The following PTPRD variants were observed in gnomAD, a reference collection of about 807,000 sequenced individuals.
PTPRD encodes protein tyrosine phosphatase receptor type D.
A neutral mutation model predicts 214.5 loss-of-function variants in PTPRD; 34 were observed. The ratio of observed to expected loss-of-function variants is 0.16; its 90% confidence interval spans 0.12 to 0.21. The LOEUF is 0.21. PTPRD is among the 10% of genes least tolerant of loss of function. The pLI is 1.00. For missense variants in PTPRD, 2,545 were observed against 2,398.7 expected (o/e 1.06, Z -1.27); for synonymous variants, 1,128 against 845.7 (o/e 1.33, Z -5.79).
At chr9:9,402,889 A>G (rs1286575679) in intron 8 of PTPRD, among the ~76,000 whole-genome samples, 2 of 146,676 alleles carry the variant, frequency 1.4e-5, no homozygotes, top group Non-Finnish European at 3.0e-5. Context: ...CAGAGAAGCA[A>G]TGAAAAATAA....
rs1595331295 is a variant in PTPRD, at chr9:9,294,031, G to A, written c.-203+103418C>T. The stretch of plus-strand genomic sequence containing the variant: ...AAGGGTTACTTGGACACAAGCACCT[G>A]TGATACTGCCACAGTTGACCTGATA... On this transcript the variant is annotated intron_variant, in intron 9 of 45. Transcript: ENST00000381196. 2.0e-5 allele frequency among the ~76,000 whole-genome samples: 3 copies of A among 151,690 alleles called. No homozygotes were observed. The South Asian group carries it at 6.2e-4, about 31-fold the overall frequency.
chr9:10,451,566 T>C (rs2098841894), intron 2 of PTPRD, among the ~76,000 whole-genome samples: 1 of 151,654 alleles, frequency 6.6e-6, no homozygotes, highest in South Asian at 2.1e-4. Context: ...ATGATTAAAA[T>C]ACTATCTACC....
chr9:10,339,005 G>T (rs1471451965), intron 3 of PTPRD, among the ~76,000 whole-genome samples: 1 of 151,614 alleles, frequency 6.6e-6, no homozygotes, highest in Admixed American at 6.6e-5. Context: ...CAAGAACAAA[G>T]TAAATTGTTC....
chr9:10,126,564 A>C (rs1331790545), intron 3 of PTPRD, among the ~76,000 whole-genome samples: 1 of 151,980 alleles, frequency 6.6e-6, no homozygotes, highest in African/African-American at 2.4e-5. Flanking sequence ...TGTTGTTATA[A>C]CTCAATAACT....
At chr9:8,571,044 C>A (rs146282675) in intron 14 of PTPRD, among the ~76,000 whole-genome samples, 1 of 152,012 alleles carries the variant, frequency 6.6e-6, no homozygotes. Context: ...ATGGCTTCCA[C>A]TGAGTGCCCA....
intron 3 of PTPRD, among the ~76,000 whole-genome samples, chr9:10,126,967 A>G (rs2098824956): frequency 7.7e-6 from 1 of 130,290 alleles, no homozygotes; most frequent in South Asian, 2.2e-4. Flanking sequence ...TTTTTTTGGC[A>G]GAAACACTGC....
At chr9:8,788,919 A>C (rs2096109608) in intron 11 of PTPRD, among the ~76,000 whole-genome samples, 1 of 149,130 alleles carries the variant, frequency 6.7e-6, no homozygotes. Context: ...TCACCAATTT[A>C]ATGTTTACTG....
chr9:8,322,589 G>A (rs1829509335), intron 44 of PTPRD, among the ~76,000 whole-genome samples: 1 of 152,184 alleles, frequency 6.6e-6, no homozygotes, highest in Non-Finnish European at 1.5e-5. Context: ...AAAGTTTGAA[G>A]TTAGCACAGG....
chr9:10,485,009 T>A (rs553339585), intron 2 of PTPRD, among the ~76,000 whole-genome samples: 2 of 149,552 alleles, frequency 1.3e-5, no homozygotes, highest in African/African-American at 4.9e-5. Context: ...GATTTAAGTG[T>A]TTAATCAATT....
At chr9:9,542,189 A>G (rs1569569140) in intron 8 of PTPRD, among the ~76,000 whole-genome samples, 1 of 151,824 alleles carries the variant, frequency 6.6e-6, no homozygotes, top group South Asian at 2.1e-4. Context: ...GATTATCGCA[A>G]CAAACCCTGG....
intron 9 of PTPRD, among the ~76,000 whole-genome samples, chr9:9,245,599 T>G (rs897593943): frequency 6.7e-6 from 1 of 149,924 alleles, no homozygotes; most frequent in African/African-American, 2.5e-5. Context: ...AAGGGGAACA[T>G]CACACACCAG....
chr9:10,099,151 C>G (rs914527084), intron 3 of PTPRD, among the ~76,000 whole-genome samples: 2 of 151,670 alleles, frequency 1.3e-5, no homozygotes, highest in African/African-American at 4.8e-5. Context: ...GTTTTAATTT[C>G]AAGATTATTT....
intron 12 of PTPRD, among the ~76,000 whole-genome samples, chr9:8,687,814 T>C (rs1163413071): frequency 3.3e-5 from 5 of 152,054 alleles, no homozygotes; most frequent in Non-Finnish European, 5.9e-5. Flanking sequence ...TCATATTCCC[T>C]GAGAACTTTA....
intron 7 of PTPRD, among the ~76,000 whole-genome samples, chr9:9,622,530 T>A (rs2095280422): frequency 6.6e-6 from 1 of 152,192 alleles, no homozygotes; most frequent in Non-Finnish European, 1.5e-5. Flanking sequence ...CAAAATCTCA[T>A]ACTAACTTAT....
intron 14 of PTPRD, among the ~76,000 whole-genome samples, chr9:8,584,256 G>C (rs1468501798): frequency 2.0e-5 from 3 of 152,026 alleles, no homozygotes; most frequent in Non-Finnish European, 4.4e-5. Flanking sequence ...ATCATAAAAA[G>C]CATTTAACCA....
intron 14 of PTPRD, among the ~76,000 whole-genome samples, chr9:8,539,672 G>C (rs2077859272): frequency 1.3e-5 from 2 of 152,022 alleles, no homozygotes; most frequent in East Asian, 3.9e-4. Flanking sequence ...TCCTGGAAAA[G>C]AGTCACAACC....
In PTPRD at chr9:8,523,506, C is replaced by G. The variant is rs777296211; in HGVS notation, c.691+7G>C. 1.7e-5 allele frequency: 28 copies of G among 1,612,918 alleles called. No homozygotes were observed. The Admixed American group carries it at 2.0e-4, about 12-fold the overall frequency. On this transcript the variant is annotated splice_region_variant and intron_variant, in intron 19 of 45. Transcript: ENST00000381196. The stretch of plus-strand genomic sequence containing the variant: ...TAAGGTGGGTAAAAAGTAAAAAACA[C>G]ACCAACCTTCTCGCAGCTCTGAGGG...
At chr9:9,046,748 A>G (rs1437103191) in intron 10 of PTPRD, among the ~76,000 whole-genome samples, 1 of 152,190 alleles carries the variant, frequency 6.6e-6, no homozygotes, top group Non-Finnish European at 1.5e-5. Flanking sequence ...CATAGGCAAT[A>G]CATAAAGCAT....
intron 11 of PTPRD, among the ~76,000 whole-genome samples, chr9:8,987,899 T>C (rs764768487): frequency 6.6e-6 from 1 of 151,988 alleles, no homozygotes; most frequent in African/African-American, 2.4e-5. Flanking sequence ...TTGAAGGCAA[T>C]AGTTAAAGCT....
Sources: allele counts gnomAD v4.1 joint callset (sites outside exome capture counted in the v4.1 genomes callset), GRCh38; gene constraint gnomAD v4.1.1; transcripts MANE v1.5; gene names NCBI Gene and HGNC (gene_info 2026-07-23, HGNC 2026-07-21).